Variants in PAPPA2 observed in about 807,000 individuals in gnomAD.
PAPPA2 encodes pappalysin 2.
Under a neutral mutation model 176.4 loss-of-function variants are expected in PAPPA2, and 86 were observed. The ratio of observed to expected loss-of-function variants is 0.49; its 90% CI spans 0.41 to 0.58. The LOEUF (loss-of-function observed/expected upper bound fraction) is 0.58. PAPPA2 is among the 20% of genes least tolerant of loss of function. The pLI is 0.00. For missense variants in PAPPA2, 2,073 were observed against 2,256.9 expected, an observed-to-expected ratio of 0.92 and a Z score of 1.65; for synonymous variants, 809 against 852.2, an observed-to-expected ratio of 0.95 and a Z score of 0.88.
intron 3 of PAPPA2, among the ~76,000 whole-genome samples, chr1:176,651,511 T>C (rs1178150473): frequency 6.6e-6 from 1 of 151,708 alleles, no homozygotes; most frequent in African/African-American, 2.4e-5. Flanking sequence ...TTTGAACTTC[T>C]TTTATGTGCT....
At chr1:176,695,588 G>A (rs1346862025) in intron 6 of PAPPA2, 150 bp from the exon 7 acceptor site, 52 of 859,238 alleles carry the variant, frequency 6.1e-5, no homozygotes, top group South Asian at 4.5e-4. Context: ...AAGAAAAAAC[G>A]ATTGAGATAC....
chr1:176,526,495 A>C (rs756312384), intron 1 of PAPPA2, among the ~76,000 whole-genome samples: 2 of 152,250 alleles, frequency 1.3e-5, no homozygotes, highest in African/African-American at 2.4e-5. Flanking sequence ...AAGCCCTAGA[A>C]GATGACAGTA....
At chr1:176,801,051 C>T (rs908366846) in intron 21 of PAPPA2, among the ~76,000 whole-genome samples, 12 of 151,886 alleles carry the variant, frequency 7.9e-5, no homozygotes, top group African/African-American at 2.4e-4. Flanking sequence ...TTCTAAGAAA[C>T]GATGACCTAG....
At chr1:176,504,132 C>T (rs1207557242) in intron 1 of PAPPA2, among the ~76,000 whole-genome samples, 1 of 152,036 alleles carries the variant, frequency 6.6e-6, no homozygotes, top group Non-Finnish European at 1.5e-5. Flanking sequence ...TGTGACACTG[C>T]TGGGGGAATT....
chr1:176,793,393 C>A (rs1030557289), intron 19 of PAPPA2, among the ~76,000 whole-genome samples, 167 bp from the exon 20 acceptor site: 1 of 152,108 alleles, frequency 6.6e-6, no homozygotes, highest in Non-Finnish European at 1.5e-5. Flanking sequence ...TGAAGGTATT[C>A]CTACAGGAAC....
At position 176,666,600 on chromosome 1, in the gene PAPPA2, T is replaced by TGAGA. The variant is rs1278287138; in HGVS notation, c.1992-4369_1992-4368insAGAG. 2.7e-3 allele frequency among the ~76,000 whole-genome samples: 344 copies of TGAGA among 128,988 alleles called. 1 individual carries two copies. The highest frequency in any genetic ancestry group is 0.011 in the African/African-American group (308 of 28,646). The allele number at this position is 128,988 out of a possible 152,430, so 84.6% of individuals were successfully genotyped here. On this transcript the variant is annotated intron_variant, in intron 3 of 22. Transcript: ENST00000367662. ...GTGTGTGTGTGTGTGTGTGTGTGTG[T>TGAGA]GTGTGTGTGAGAGAGAGAGAGAGAG...
rs181288497 is a variant in PAPPA2, at chr1:176,666,983, C to T, written c.1992-3987C>T. On this transcript the variant is annotated intron_variant, in intron 3 of 22. Coordinates refer to ENST00000367662, the MANE Select transcript of PAPPA2 (RefSeq NM_020318.3). ...TGTGTTGGCCGGGTACCGTGGCTCA[C>T]GCCTGTAATCCCAGCACTTTGGGAG... Among the ~76,000 whole-genome samples, 173 of 152,222 alleles carry T rather than the reference C, an allele frequency of 1.1e-3. 1 individual carries two copies. The highest frequency in any genetic ancestry group is 6.8e-3 in the Middle Eastern group (2 of 294).
intron 3 of PAPPA2, among the ~76,000 whole-genome samples, chr1:176,665,648 G>T (rs1174399606): frequency 6.6e-6 from 1 of 152,252 alleles, no homozygotes; most frequent in South Asian, 2.1e-4. Context: ...GTAAGATTAG[G>T]TAGAGGACAA....
At chr1:176,581,922 C>CTTTTTTTTTTTTT (rs538920194) in intron 2 of PAPPA2, among the ~76,000 whole-genome samples, 8 of 80,992 alleles carry the variant, frequency 9.9e-5, no homozygotes, top group East Asian at 2.7e-4. Context: ...TTCTTTCTTT[C>CTTTTTTTTTTTTT]TTTTTTTTTT....
At chr1:176,621,506 T>C (rs1355303990) in intron 3 of PAPPA2, among the ~76,000 whole-genome samples, 1 of 152,150 alleles carries the variant, frequency 6.6e-6, no homozygotes, top group Non-Finnish European at 1.5e-5. Context: ...AACTTTCCCA[T>C]AAGACCTCAC....
chr1:176,470,960 C>T (rs770289918), intron 1 of PAPPA2, among the ~76,000 whole-genome samples: 2 of 152,044 alleles, frequency 1.3e-5, no homozygotes, highest in African/African-American at 2.4e-5. Context: ...GGTCAAATAG[C>T]ACATCCTCAG....
At chr1:176,473,567 T>C (rs1651981612) in intron 1 of PAPPA2, among the ~76,000 whole-genome samples, 1 of 152,208 alleles carries the variant, frequency 6.6e-6, no homozygotes, top group Non-Finnish European at 1.5e-5. Context: ...ATTGCTGGAT[T>C]GTATGGTAAG....
At position 176,709,435 on chromosome 1, in the gene PAPPA2, T is replaced by TC. The variant is rs200614190; in HGVS notation, c.3458-547dup. ...AAAAAATTAATAACATATGTAAGCC[T>TC]CAAAAGCCTGGAGCCTATATTCTCC... On this transcript the variant is annotated intron_variant, in intron 10 of 22. Transcript: ENST00000367662. 5.6e-3 allele frequency among the ~76,000 whole-genome samples: 852 copies of TC among 152,200 alleles called. 12 individuals are homozygous for TC. Among genetic ancestry groups the TC allele is most frequent in the African/African-American group, 0.019 (798 of 41,520 alleles).
At position 176,503,400 on chromosome 1, in the gene PAPPA2, T is replaced by G. The variant is rs975039380; in HGVS notation, c.-917+39982T>G. Among the ~76,000 whole-genome samples the G allele has an allele frequency of 9.8e-5, 15 of 152,312 alleles. No individual in the cohort carries two copies. In the South Asian group the frequency reaches 1.2e-3, roughly 13 times the overall value. Reference sequence around the variant, plus strand: ...ATCTTAATCCCATTTACAATCTTAATTCTCATGTAACATAATTTCTTTCCA... The same window carrying G: ...ATCTTAATCCCATTTACAATCTTAAGTCTCATGTAACATAATTTCTTTCCA... On this transcript the variant is annotated intron_variant, in intron 1 of 22. Transcript: ENST00000367662.
intron 3 of PAPPA2, among the ~76,000 whole-genome samples, chr1:176,620,082 A>G (rs1184387377): frequency 6.6e-6 from 1 of 152,188 alleles, no homozygotes; most frequent in Non-Finnish European, 1.5e-5. Flanking sequence ...TAGCAAATTC[A>G]GTGCCTGGTG....
chr1:176,532,022 G>T (rs1212902276), intron 1 of PAPPA2, among the ~76,000 whole-genome samples: 2 of 152,158 alleles, frequency 1.3e-5, no homozygotes, highest in Non-Finnish European at 2.9e-5. Context: ...CTGAAGAAAA[G>T]CTGTCTCTCA....
At chr1:176,498,750 C>CCA (rs1441748540) in intron 1 of PAPPA2, among the ~76,000 whole-genome samples, 9 of 125,292 alleles carry the variant, frequency 7.2e-5, no homozygotes, top group South Asian at 3.0e-4. Flanking sequence ...ACTCTTACCT[C>CCA]CAAAAAAAAA....
chr1:176,540,320 C>T (rs530598888), intron 1 of PAPPA2, among the ~76,000 whole-genome samples: 108 of 152,334 alleles, frequency 7.1e-4, no homozygotes, highest in African/African-American at 2.5e-3. Flanking sequence ...AAATGCCCTT[C>T]ACTTGAAAAC....
chr1:176,589,748 C>A (rs372174316), intron 2 of PAPPA2, among the ~76,000 whole-genome samples: 1 of 152,290 alleles, frequency 6.6e-6, no homozygotes, highest in African/African-American at 2.4e-5. Flanking sequence ...TTGTTTCTAT[C>A]TCATGTACAT....
Sources: allele counts gnomAD v4.1 joint callset (sites outside exome capture counted in the v4.1 genomes callset), GRCh38; gene constraint gnomAD v4.1.1; transcripts MANE v1.5; gene names NCBI Gene and HGNC (gene_info 2026-07-23, HGNC 2026-07-21).